The following PLCB1 variants were observed in gnomAD, a reference collection of about 807,000 sequenced individuals.
The protein encoded by PLCB1 is phospholipase C beta 1.
In PLCB1, 46 loss-of-function variants were observed where a neutral mutation model predicts 161.8. The observed-to-expected ratio is 0.28, with a 90% CI of 0.22 to 0.36. The LOEUF (loss-of-function observed/expected upper bound fraction) is 0.36, where lower values mean the gene tolerates loss of function less well. Among genes scored for constraint, PLCB1 ranks in the 10% least tolerant of loss-of-function variants. The pLI is 1.00. For missense variants in PLCB1, 1,016 were observed against 1,472.5 expected (o/e 0.69, Z 5.07); for synonymous variants, 517 against 503.7 (o/e 1.03, Z -0.35).
intron 31 of PLCB1, among the ~76,000 whole-genome samples, chr20:8,862,120 G>C (rs1987277983): frequency 6.6e-6 from 1 of 152,192 alleles, no homozygotes; most frequent in African/African-American, 2.4e-5. Context: ...ATACAGCACA[G>C]TAATATATTT....
chr20:8,842,910 T>G (rs996432836), intron 31 of PLCB1, among the ~76,000 whole-genome samples: 3 of 152,172 alleles, frequency 2.0e-5, no homozygotes, highest in Non-Finnish European at 4.4e-5. Context: ...CTTTTAGTTT[T>G]TACTTCTTCT....
intron 23 of PLCB1, chr20:8,751,102 A>ATTTT (rs368948762): frequency 0.18 from 32,809 of 186,048 alleles, 3,156 homozygotes; most frequent in Non-Finnish European, 0.22. Context: ...AGCCCGGCTA[A>ATTTT]TTTTTTTTTT....
At chr20:8,260,384 C>T (rs1299173168) in intron 2 of PLCB1, among the ~76,000 whole-genome samples, 1 of 151,966 alleles carries the variant, frequency 6.6e-6, no homozygotes, top group Non-Finnish European at 1.5e-5. Flanking sequence ...TGCACATGGC[C>T]TACCACTACA....
chr20:8,284,884 G>GAT (rs1251631412), intron 2 of PLCB1, among the ~76,000 whole-genome samples: 1 of 152,022 alleles, frequency 6.6e-6, no homozygotes, highest in Non-Finnish European at 1.5e-5. Flanking sequence ...CTTAGTCTAA[G>GAT]AATCTGTTTG....
intron 2 of PLCB1, among the ~76,000 whole-genome samples, chr20:8,298,624 C>A (rs1238186622): frequency 6.7e-6 from 1 of 148,506 alleles, no homozygotes; most frequent in Non-Finnish European, 1.5e-5. Context: ...TGTAATGAGT[C>A]AGTGTGGAAT....
At chr20:8,240,336 G>A (rs1344381266) in intron 2 of PLCB1, among the ~76,000 whole-genome samples, 5 of 151,326 alleles carry the variant, frequency 3.3e-5, no homozygotes, top group Non-Finnish European at 4.4e-5. Context: ...TTAATATGCA[G>A]TATTTAATGT....
intron 29 of PLCB1, 54 bp downstream of exon 29, chr20:8,788,776 T>G (rs2076411): frequency 8.5e-7 from 1 of 1,175,786 alleles, no homozygotes; most frequent in African/African-American, 1.5e-5. Context: ...TTATTTTATT[T>G]TGTACGTCAG....
At chr20:8,136,657 A>T (rs73078246) in intron 1 of PLCB1, among the ~76,000 whole-genome samples, 1 of 152,018 alleles carries the variant, frequency 6.6e-6, no homozygotes, top group African/African-American at 2.4e-5. Flanking sequence ...GTCCCTCAAA[A>T]ATAAGATGGA....
chr20:8,542,016 C>T (rs1217436015), intron 3 of PLCB1, among the ~76,000 whole-genome samples: 16 of 152,206 alleles, frequency 1.1e-4, no homozygotes, highest in Admixed American at 1.0e-3. Flanking sequence ...AGACTGAAAA[C>T]ATGTTTGTGC....
intron 3 of PLCB1, among the ~76,000 whole-genome samples, chr20:8,523,723 G>T (rs1307516124): frequency 6.6e-6 from 1 of 151,160 alleles, no homozygotes; most frequent in East Asian, 1.9e-4. Flanking sequence ...GGGGACAAAT[G>T]GAATTTACTC....
At chr20:8,764,939 C>T (rs892044401) in intron 25 of PLCB1, among the ~76,000 whole-genome samples, 200 bp from the exon 26 acceptor site, 1 of 152,200 alleles carries the variant, frequency 6.6e-6, no homozygotes, top group Admixed American at 6.5e-5. Context: ...AATTGGGTCT[C>T]TGAGAAGTTT....
intron 3 of PLCB1, among the ~76,000 whole-genome samples, chr20:8,533,946 A>C (rs896659298): frequency 6.6e-6 from 1 of 152,144 alleles, no homozygotes; most frequent in Non-Finnish European, 1.5e-5. Context: ...GCCCATGCCT[A>C]TGTCCTGAAT....
At chr20:8,268,712 G>C (rs1171789824) in intron 2 of PLCB1, among the ~76,000 whole-genome samples, 2 of 152,076 alleles carry the variant, frequency 1.3e-5, no homozygotes, top group East Asian at 3.9e-4. Flanking sequence ...TTTTTCTGAT[G>C]GCCAGTGATG....
chr20:8,364,879 T>C (rs1414545590), intron 2 of PLCB1, among the ~76,000 whole-genome samples: 1 of 152,208 alleles, frequency 6.6e-6, no homozygotes, highest in African/African-American at 2.4e-5. Context: ...AGAAGTTTTC[T>C]CTATTACTTA....
At chr20:8,235,826 T>C (rs1980289651) in intron 2 of PLCB1, among the ~76,000 whole-genome samples, 1 of 152,026 alleles carries the variant, frequency 6.6e-6, no homozygotes, top group South Asian at 2.1e-4. Context: ...AATCAAAAGT[T>C]AGTGAAGCTG....
At chr20:8,831,455 T>C (rs1985976786) in intron 31 of PLCB1, 1 of 152,208 alleles carries the variant, frequency 6.6e-6, no homozygotes, top group Non-Finnish European at 1.5e-5. Flanking sequence ...TTTGCTTTAA[T>C]TTATTTTACT....
At chr20:8,672,984 C>T (rs1053778942) in intron 9 of PLCB1, among the ~76,000 whole-genome samples, 3 of 151,994 alleles carry the variant, frequency 2.0e-5, no homozygotes, top group Admixed American at 6.6e-5. Context: ...TGGTGATGCG[C>T]GCCTGTAATC....
intron 3 of PLCB1, among the ~76,000 whole-genome samples, chr20:8,552,406 T>C (rs1985805470): frequency 6.6e-6 from 1 of 152,020 alleles, no homozygotes; most frequent in African/African-American, 2.4e-5. Flanking sequence ...CCGTGGTAGA[T>C]TTGCAGGGAA....
intron 9 of PLCB1, among the ~76,000 whole-genome samples, chr20:8,669,704 T>C (rs1240825904): frequency 6.6e-6 from 1 of 152,170 alleles, no homozygotes; most frequent in Admixed American, 6.5e-5. Context: ...AAGAGGAAAC[T>C]GGCATTCCAT....
Sources: allele counts gnomAD v4.1 joint callset (sites outside exome capture counted in the v4.1 genomes callset), GRCh38; gene constraint gnomAD v4.1.1; transcripts MANE v1.5; gene names NCBI Gene and HGNC (gene_info 2026-07-23, HGNC 2026-07-21).